The following PYROXD1 variants were observed in gnomAD, a reference collection of about 807,000 sequenced individuals.
PYROXD1 encodes the protein tRNA ligase complex-associated NAD(P)H dehydrogenase PYROXD1.
Under a neutral mutation model 62.0 loss-of-function variants are expected in PYROXD1, and 42 were observed. That is an observed-to-expected ratio of 0.68 (90% confidence interval 0.53 to 0.88). The LOEUF (loss-of-function observed/expected upper bound fraction) is 0.88, where lower values mean the gene tolerates loss of function less well. Among genes scored for constraint, PYROXD1 ranks in the 40% least tolerant of loss-of-function variants. PYROXD1 has a pLI of 0.00. For synonymous variants in PYROXD1, 170 were observed against 206.4 expected (o/e 0.82, Z 1.51); for missense variants, 493 against 604.8 (o/e 0.82, Z 1.94).
rs113322080 is a variant in PYROXD1 at position 21,460,974 on chromosome 12, G to A, written c.751-51G>A. On this transcript the variant is annotated intron_variant, in intron 7 of 11. Transcript: ENST00000240651. Reference sequence around the variant, plus strand: ...GTTTTTTCTTCATCATTAGTAACCCGGGTTATTCTTTCTGTAAGTATTATG... The same window carrying A: ...GTTTTTTCTTCATCATTAGTAACCCAGGTTATTCTTTCTGTAAGTATTATG... 34 of 1,150,412 alleles carry A rather than the reference G, an allele frequency of 3.0e-5. 1 individual carries two copies. Among genetic ancestry groups the A allele is most frequent in the Middle Eastern group, 3.2e-4 (1 of 3,132 alleles). The allele number at this position is 1,150,412 out of a possible 1,614,324, so 71.3% of individuals were successfully genotyped here.
intron 6 of PYROXD1, 74 bp downstream of exon 6, chr12:21,455,366 A>G: frequency 1.1e-6 from 1 of 887,572 alleles, no homozygotes; most frequent in Non-Finnish European, 1.6e-6. Flanking sequence ...GCTACAAGAA[A>G]ATTTAATAAA....
intron 9 of PYROXD1, among the ~76,000 whole-genome samples, chr12:21,462,424 A>G (rs985739013): frequency 9.3e-5 from 14 of 150,864 alleles, no homozygotes; most frequent in African/African-American, 2.7e-4. Context: ...TAGAGAAACC[A>G]TCTTGTATTT....
chr12:21,464,170 G>A (rs1390143228), intron 10 of PYROXD1, among the ~76,000 whole-genome samples: 2 of 150,534 alleles, frequency 1.3e-5, no homozygotes, highest in Non-Finnish European at 3.0e-5. Context: ...AATTCTCTAG[G>A]GTAAATTATA....
chr12:21,442,864 C>T (rs1387923570), intron 2 of PYROXD1, among the ~76,000 whole-genome samples: 1 of 152,220 alleles, frequency 6.6e-6, no homozygotes, highest in Non-Finnish European at 1.5e-5. Flanking sequence ...TTGCTCCTAG[C>T]TATCTCCTAG....
intron 2 of PYROXD1, among the ~76,000 whole-genome samples, chr12:21,443,178 C>A (rs952998617): frequency 1.3e-5 from 2 of 152,042 alleles, no homozygotes; most frequent in Non-Finnish European, 2.9e-5. Flanking sequence ...AGATAGAATA[C>A]CAGAAGCTCC....
chr12:21,445,500 T>C, intron 3 of PYROXD1, 34 bp downstream of exon 3: 3 of 1,536,132 alleles, frequency 2.0e-6, no homozygotes, highest in Non-Finnish European at 2.6e-6. Flanking sequence ...ACATTTTCCA[T>C]TGTTGAATCT....
At chr12:21,464,828 C>A (rs1428760554) in intron 10 of PYROXD1, among the ~76,000 whole-genome samples, 2 of 152,032 alleles carry the variant, frequency 1.3e-5, no homozygotes, top group East Asian at 3.9e-4. Context: ...TGCACCCCCA[C>A]CCCACAAGAG....
At chr12:21,466,012 C>T (rs970233799) in intron 10 of PYROXD1, among the ~76,000 whole-genome samples, 13 of 152,006 alleles carry the variant, frequency 8.6e-5, no homozygotes, top group Non-Finnish European at 1.8e-4. Context: ...TTCTGTTCTG[C>T]TCGATTGGTC....
In PYROXD1 at chr12:21,470,878, A is replaced by C; in HGVS notation, c.*2124A>C. ...AGAAAACTGACTTTTCTCATGTTCAACTGGACCTAGGGGAATATGACAGAA... is the reference window on the plus strand; with the variant it reads ...AGAAAACTGACTTTTCTCATGTTCACCTGGACCTAGGGGAATATGACAGAA... On this transcript the variant is annotated 3_prime_UTR_variant, in exon 12 of 12. Coordinates refer to ENST00000240651, the MANE Select transcript of PYROXD1 (RefSeq NM_024854.5). 2.2e-6 allele frequency: 2 copies of C among 917,878 alleles called. No homozygotes were observed. Among genetic ancestry groups the C allele is most frequent in the Non-Finnish European group, 2.9e-6 (2 of 681,874 alleles). 56.9% of individuals were successfully genotyped at this position (917,878 alleles called of 1,614,324 possible). A position where few individuals can be genotyped will look rare whatever the true frequency, so the allele number is the denominator to read the frequency against.
chr12:21,444,105 A>C (rs529659568), intron 2 of PYROXD1, among the ~76,000 whole-genome samples: 19 of 152,280 alleles, frequency 1.2e-4, no homozygotes, highest in African/African-American at 4.6e-4. Context: ...CAACAGAAGG[A>C]AAAAGCTTGG....
chr12:21,464,682 G>A (rs952839241), intron 10 of PYROXD1, among the ~76,000 whole-genome samples: 10 of 151,134 alleles, frequency 6.6e-5, no homozygotes, highest in African/African-American at 2.2e-4. Flanking sequence ...TATATATGTA[G>A]ATCTGTTGAT....
intron 7 of PYROXD1, chr12:21,457,080 C>T: frequency 3.5e-6 from 1 of 287,212 alleles, no homozygotes; most frequent in South Asian, 3.0e-5. Flanking sequence ...CAAAGTCATC[C>T]ATGAAGGTTG....
intron 10 of PYROXD1, among the ~76,000 whole-genome samples, chr12:21,467,044 C>T (rs1250661554): frequency 6.6e-6 from 1 of 152,062 alleles, no homozygotes; most frequent in Non-Finnish European, 1.5e-5. Flanking sequence ...AAGAGTCTGT[C>T]TAACCACTGA....
chr12:21,456,119 T>C, intron 7 of PYROXD1, 24 bp downstream of exon 7: 2 of 1,365,678 alleles, frequency 1.5e-6, no homozygotes, highest in Non-Finnish European at 2.1e-6. Context: ...TACTAATTGG[T>C]CATGTCTAAA....
In PYROXD1 at chr12:21,461,116, C is replaced by G. The variant is rs764425236; in HGVS notation, c.842C>G (p.Thr281Ser). The G allele has an allele frequency of 1.9e-6, 3 of 1,587,900 alleles. No homozygotes were observed. The South Asian group carries it at 3.5e-5, about 19-fold the overall frequency. Residue 281 changes from threonine to serine, a missense_variant, in exon 8 of 12, where the codon ACT (threonine) becomes AGT (serine). Thr to Ser is a moderately conservative substitution (Grantham distance 58). Coordinates refer to ENST00000240651, the MANE Select transcript of PYROXD1 (RefSeq NM_024854.5). ...AGAATTTTGAAGAAAAAGTCCTTCA[C>G]TTTTCCAAGAGACCATAAGTCAGTT... Reference protein sequence around the residue: ...EFRILKKKSFTFPRDHKSVTA... With the variant: ...EFRILKKKSFSFPRDHKSVTA...
Position 21,471,139 on chromosome 12 carries a change from G to A in PYROXD1, c.*2385G>A. ...GCCAACAATAAGAAAGCTTTTGAAGGAATCACGGAAAACAAATTTATAAAA... is the reference window on the plus strand; with the variant it reads ...GCCAACAATAAGAAAGCTTTTGAAGAAATCACGGAAAACAAATTTATAAAA... On this transcript the variant is annotated 3_prime_UTR_variant, in exon 12 of 12. Coordinates refer to ENST00000240651, the MANE Select transcript of PYROXD1 (RefSeq NM_024854.5). 10 of 1,526,524 alleles carry A rather than the reference G, an allele frequency of 6.6e-6. No individual in the cohort carries two copies. The highest frequency in any genetic ancestry group is 8.7e-6 in the Non-Finnish European group (10 of 1,144,886). 94.6% of individuals were successfully genotyped at this position (1,526,524 alleles called of 1,614,324 possible).
intron 8 of PYROXD1, among the ~76,000 whole-genome samples, chr12:21,461,522 C>T (rs1942698193): frequency 6.6e-6 from 1 of 152,110 alleles, no homozygotes; most frequent in African/African-American, 2.4e-5. Context: ...ACTCCAGTTC[C>T]ACAACTCCTC....
At chr12:21,455,603 A>G (rs969414219) in intron 6 of PYROXD1, among the ~76,000 whole-genome samples, 1 of 151,406 alleles carries the variant, frequency 6.6e-6, no homozygotes, top group African/African-American at 2.4e-5. Flanking sequence ...AAAAACTAAT[A>G]CAAACTTCAT....
chr12:21,441,406 A>G (rs1191002115), intron 2 of PYROXD1: 2 of 151,918 alleles, frequency 1.3e-5, no homozygotes, highest in African/African-American at 2.4e-5. Flanking sequence ...CCTATAATTC[A>G]AAGATTTGCT....
Sources: allele counts gnomAD v4.1 joint callset (sites outside exome capture counted in the v4.1 genomes callset), GRCh38; gene constraint gnomAD v4.1.1; transcripts MANE v1.5; gene names NCBI Gene and HGNC (gene_info 2026-07-23, HGNC 2026-07-21).